PACRG: variants seen among roughly 807,000 people sequenced by gnomAD.
PACRG encodes the protein parkin coregulated gene protein.
A neutral mutation model predicts 29.7 loss-of-function variants in PACRG; 29 were observed. That is an observed-to-expected ratio of 0.98 (90% CI 0.73 to 1.33). The LOEUF (loss-of-function observed/expected upper bound fraction) is 1.33. Ranked by LOEUF, PACRG falls within the 40% of genes most tolerant of loss-of-function variation. The pLI is 0.00. For missense variants in PACRG, 279 were observed against 316.2 expected, an observed-to-expected ratio of 0.88 and a Z score of 0.89; for synonymous variants, 116 against 118.7, an observed-to-expected ratio of 0.98 and a Z score of 0.15.
At chr6:163,225,096 G>A (rs752094400) in intron 4 of PACRG, among the ~76,000 whole-genome samples, 12 of 152,150 alleles carry the variant, frequency 7.9e-5, no homozygotes, top group Non-Finnish European at 1.0e-4. Flanking sequence ...ATGAAAAAAT[G>A]GTCAGCATCA....
chr6:163,171,654 G>C (rs1416376780), intron 4 of PACRG, among the ~76,000 whole-genome samples: 1 of 152,226 alleles, frequency 6.6e-6, no homozygotes, highest in Admixed American at 6.5e-5. Context: ...AGTTTCTCAT[G>C]AGAGTAACTA....
Position 162,969,159 on chromosome 6 carries a change from G to A in PACRG, c.292-92991G>A, listed in dbSNP as rs149752361. ...CCGGTAACTAATTGTATTCACTTATGTAGTACTTGGTATAGATTTTCATCT... is the reference window on the plus strand; with the variant it reads ...CCGGTAACTAATTGTATTCACTTATATAGTACTTGGTATAGATTTTCATCT... On this transcript the variant is annotated intron_variant, in intron 2 of 4. Coordinates refer to ENST00000366888, the MANE Select transcript of PACRG (RefSeq NM_001080379.2). Among the ~76,000 whole-genome samples the A allele has an allele frequency of 2.7e-4, 40 of 149,302 alleles. No individual in the cohort carries two copies. The East Asian group carries it at 7.2e-3, about 27-fold the overall frequency.
At chr6:163,169,480 G>T (rs183167935) in intron 4 of PACRG, among the ~76,000 whole-genome samples, 3 of 152,216 alleles carry the variant, frequency 2.0e-5, no homozygotes, top group Non-Finnish European at 4.4e-5. Flanking sequence ...AGAGGTGCGG[G>T]TTGGGAATAG....
intron 3 of PACRG, among the ~76,000 whole-genome samples, chr6:163,086,092 G>A (rs543814409): frequency 2.6e-5 from 4 of 152,314 alleles, no homozygotes; most frequent in South Asian, 2.1e-4. Flanking sequence ...GCCTAAACCC[G>A]TTGAGCATAG....
chr6:162,887,556 T>C (rs1292161753), intron 2 of PACRG, among the ~76,000 whole-genome samples: 1 of 152,194 alleles, frequency 6.6e-6, no homozygotes, highest in Non-Finnish European at 1.5e-5. Context: ...TGTGGACACG[T>C]TCTTGTAAAA....
intron 2 of PACRG, among the ~76,000 whole-genome samples, chr6:162,991,073 G>C (rs1307013205): frequency 2.6e-4 from 1 of 3,822 alleles, no homozygotes; most frequent in African/African-American, 1.5e-3. Flanking sequence ...ATTTCTGAGG[G>C]CTCTGTTCTG....
intron 4 of PACRG, among the ~76,000 whole-genome samples, chr6:163,257,680 T>A (rs1469464950): frequency 6.6e-6 from 1 of 152,236 alleles, no homozygotes; most frequent in Non-Finnish European, 1.5e-5. Flanking sequence ...ACTGTATATA[T>A]GTAAGTGTAT....
chr6:163,115,504 A>C (rs1353428666), intron 4 of PACRG, among the ~76,000 whole-genome samples: 2 of 152,184 alleles, frequency 1.3e-5, no homozygotes, highest in East Asian at 3.9e-4. Flanking sequence ...AAAATGAATG[A>C]AGGGAATTAG....
At chr6:162,750,581 T>C (rs539796410) in intron 1 of PACRG, among the ~76,000 whole-genome samples, 1 of 152,234 alleles carries the variant, frequency 6.6e-6, no homozygotes, top group Non-Finnish European at 1.5e-5. Context: ...TATTGGAAAC[T>C]CTTTAAGATA....
At chr6:163,129,996 C>G (rs1816669589) in intron 4 of PACRG, among the ~76,000 whole-genome samples, 1 of 152,270 alleles carries the variant, frequency 6.6e-6, no homozygotes, top group Non-Finnish European at 1.5e-5. Context: ...GCAAAGGAAG[C>G]CTTCCAAAGA....
At chr6:163,155,729 C>G (rs536367607) in intron 4 of PACRG, among the ~76,000 whole-genome samples, 97 of 152,354 alleles carry the variant, frequency 6.4e-4, no homozygotes, top group African/African-American at 2.3e-3. Flanking sequence ...CTCTAAGTCT[C>G]ATGCCCATTT....
At chr6:162,791,944 G>T (rs910755026) in intron 1 of PACRG, among the ~76,000 whole-genome samples, 2 of 152,072 alleles carry the variant, frequency 1.3e-5, no homozygotes, top group African/African-American at 4.8e-5. Flanking sequence ...AGATGTGGTG[G>T]TAGCAGCCTT....
At chr6:163,293,725 C>A (rs1784692082) in intron 4 of PACRG, among the ~76,000 whole-genome samples, 1 of 151,962 alleles carries the variant, frequency 6.6e-6, no homozygotes, top group Admixed American at 6.5e-5. Context: ...AACATAAATA[C>A]TGAAATATTA....
chr6:162,844,576 G>T (rs1790181382), intron 2 of PACRG, among the ~76,000 whole-genome samples: 1 of 152,262 alleles, frequency 6.6e-6, no homozygotes, highest in Non-Finnish European at 1.5e-5. Flanking sequence ...CACGCTGGGA[G>T]CTGTAGACCG....
intron 4 of PACRG, among the ~76,000 whole-genome samples, chr6:163,122,249 C>G (rs1188063966): frequency 1.3e-5 from 2 of 151,894 alleles, no homozygotes; most frequent in Non-Finnish European, 2.9e-5. Context: ...TCTGAGTTCT[C>G]ATGTGTTTGT....
At chr6:162,729,277 C>T (rs1187082219) in intron 1 of PACRG, among the ~76,000 whole-genome samples, 1 of 152,142 alleles carries the variant, frequency 6.6e-6, no homozygotes, top group Non-Finnish European at 1.5e-5. Context: ...GTGTAATTTA[C>T]ACCCTGGGAA....
chr6:162,979,048 T>C (rs1162537190), intron 2 of PACRG, among the ~76,000 whole-genome samples: 1 of 152,212 alleles, frequency 6.6e-6, no homozygotes, highest in Non-Finnish European at 1.5e-5. Flanking sequence ...GTGCAAAACA[T>C]ATATTCGTTA....
At chr6:162,998,515 C>A (rs565938984) in intron 2 of PACRG, among the ~76,000 whole-genome samples, 34 of 152,350 alleles carry the variant, frequency 2.2e-4, no homozygotes, top group Middle Eastern at 3.4e-3. Context: ...TGCTTGTAAA[C>A]TACTCAGTAT....
At chr6:163,120,557 AG>A (rs1162538941) in intron 4 of PACRG, among the ~76,000 whole-genome samples, 1 of 152,166 alleles carries the variant, frequency 6.6e-6, no homozygotes, top group African/African-American at 2.4e-5. Flanking sequence ...GTTAGCCAAG[AG>A]GTTACCGCAG....
Sources: allele counts gnomAD v4.1 joint callset (sites outside exome capture counted in the v4.1 genomes callset), GRCh38; gene constraint gnomAD v4.1.1; transcripts MANE v1.5; gene names NCBI Gene and HGNC (gene_info 2026-07-23, HGNC 2026-07-21).